SIAE: variants seen among roughly 807,000 people sequenced by gnomAD.
SIAE encodes sialate O-acetylesterase.
A neutral mutation model predicts 52.6 loss-of-function variants in SIAE; 39 were observed. The observed-to-expected ratio is 0.74, with a 90% CI of 0.57 to 0.97. The LOEUF is 0.97. Ranked by LOEUF, SIAE falls within the 50% of genes least tolerant of loss-of-function variation. The pLI, the probability that SIAE is intolerant of heterozygous loss-of-function variation, is 0.00. For missense variants in SIAE, 592 were observed against 662.1 expected, an observed-to-expected ratio of 0.89 and a Z score of 1.16; for synonymous variants, 233 against 241.4, an observed-to-expected ratio of 0.97 and a Z score of 0.32.
At chr11:124,637,697 CTAAAG>C (rs1211480233) in intron 9 of SIAE, among the ~76,000 whole-genome samples, 1 of 152,184 alleles carries the variant, frequency 6.6e-6, no homozygotes, top group Non-Finnish European at 1.5e-5. Flanking sequence ...TGGCAACTGA[CTAAAG>C]AGAAGAGCTC....
At chr11:124,640,582 T>C (rs1050297845) in intron 7 of SIAE, among the ~76,000 whole-genome samples, 7 of 152,190 alleles carry the variant, frequency 4.6e-5, no homozygotes, top group Admixed American at 2.6e-4. Flanking sequence ...GGCTAGGCAC[T>C]GTAGGCAAGC....
intron 2 of SIAE, among the ~76,000 whole-genome samples, chr11:124,666,812 T>G (rs962191621): frequency 6.6e-6 from 1 of 152,198 alleles, no homozygotes; most frequent in Non-Finnish European, 1.5e-5. Context: ...GTTTTAGACA[T>G]AGTAAGCCCT....
chr11:124,655,329 C>G, intron 3 of SIAE, among the ~76,000 whole-genome samples: 1 of 152,134 alleles, frequency 6.6e-6, no homozygotes, highest in Non-Finnish European at 1.5e-5. Flanking sequence ...GCGCCCACCA[C>G]CATGCCCAGC....
At chr11:124,654,584 T>A (rs1943067475) in intron 4 of SIAE, 71 bp downstream of exon 4, 6 of 1,612,912 alleles carry the variant, frequency 3.7e-6, no homozygotes, top group Non-Finnish European at 5.1e-6. Flanking sequence ...AGAACCAAAT[T>A]CAGTCTTACA....
At position 124,649,675 on chromosome 11, in the gene SIAE, G is replaced by A; in HGVS notation, c.666C>T (p.Pro222=). Residue 222 remains proline, a synonymous_variant, in exon 5 of 10, where the codon CCC becomes CCT. Transcript: ENST00000263593. ...GLIASSWGGT[P]IEAWSSGRSL... is the part of the protein sequence containing the mutation. ...ACCGTCCAGATGACCAGGCTTCAAT[G>A]GGTGTCCCGCCCCAGCTGGAGGCGA... is the stretch of plus-strand genomic sequence containing the variant. 6.2e-7 allele frequency: 1 copy of A among 1,614,182 alleles called. No homozygotes were observed.
At chr11:124,674,519 A>G (rs917524038), upstream of SIAE, 1 of 152,292 alleles carries the variant, frequency 6.6e-6, no homozygotes, top group African/African-American at 2.4e-5. Flanking sequence ...TTTCATACTC[A>G]GTAGTAGCTC....
chr11:124,660,835 T>C, intron 2 of SIAE, 32 bp from the exon 3 acceptor site: 1 of 1,610,970 alleles, frequency 6.2e-7, no homozygotes, highest in Non-Finnish European at 8.5e-7. Context: ...AAGGAATTAA[T>C]CAATCAATTA....
chr11:124,647,458 G>A lies in SIAE; in HGVS notation c.873C>T (p.Cys291=), dbSNP rs1053493893. 1.6e-5 allele frequency: 26 copies of A among 1,614,076 alleles called. No homozygotes were observed. The highest frequency in any genetic ancestry group is 2.0e-5 in the Non-Finnish European group (24 of 1,180,036). The change falls in exon 7 of 10, where the codon TGC becomes TGT. Residue 291 remains cysteine (C), a synonymous_variant. Transcript: ENST00000263593. ...NINYNTDLYN[C]TFPALIEDWR... ...AGTCTTCGATGAGTGCAGGGAATGT[G>A]CAATTGTACAGATCCGTGTTATAAT...
At chr11:124,639,922 T>A (rs1942817565) in intron 7 of SIAE, 55 bp from the exon 8 acceptor site, 2 of 1,592,158 alleles carry the variant, frequency 1.3e-6, no homozygotes, top group South Asian at 2.2e-5. Context: ...CACTGGAGTC[T>A]TTTTCACTGG....
chr11:124,672,055 C>T (rs2134396892), intron 1 of SIAE, among the ~76,000 whole-genome samples: 1 of 151,678 alleles, frequency 6.6e-6, no homozygotes, highest in African/African-American at 2.4e-5. Context: ...GGATTACAAG[C>T]ATGAGCCACC....
intron 3 of SIAE, 34 bp downstream of exon 3, chr11:124,660,594 C>T: frequency 2.5e-6 from 4 of 1,610,070 alleles, no homozygotes; most frequent in Non-Finnish European, 3.4e-6. Flanking sequence ...TCATCACCAA[C>T]ACTGTGTATT....
intron 3 of SIAE, among the ~76,000 whole-genome samples, chr11:124,656,842 C>T (rs991801296): frequency 6.6e-6 from 1 of 152,162 alleles, no homozygotes; most frequent in East Asian, 1.9e-4. Flanking sequence ...CCAGCTGAGT[C>T]GGGGCTGCCA....
Position 124,634,809 on chromosome 11 carries a change from A to G in SIAE, c.*2142T>C, listed in dbSNP as rs1364444118. On this transcript the variant is annotated 3_prime_UTR_variant, in exon 10 of 10. Coordinates refer to ENST00000263593, the MANE Select transcript of SIAE (RefSeq NM_170601.5). ...GATTACAAAATAATATGTACTGTAT[A>G]AAATTATATAACTCAAGTCAAGTGA... 6.6e-6 allele frequency: 1 copy of G among 152,220 alleles called. No homozygotes were observed. The highest frequency in any genetic ancestry group is 1.5e-5 in the Non-Finnish European group (1 of 68,042). The allele number at this position is 152,220 out of a possible 1,614,324, so 9.4% of individuals were successfully genotyped here.
In SIAE at chr11:124,648,776, T is replaced by TATCC. The variant is rs1942977018; in HGVS notation, c.723-605_723-602dup. 2.6e-5 allele frequency among the ~76,000 whole-genome samples: 4 copies of TATCC among 152,142 alleles called. No homozygotes were observed. In the South Asian group the frequency reaches 6.2e-4, roughly 24 times the overall value. On this transcript the variant is annotated intron_variant, in intron 5 of 9. Coordinates refer to ENST00000263593, the MANE Select transcript of SIAE (RefSeq NM_170601.5). ...GCCCACTTGCCCACACCCTCGGGAT[T>TATCC]ATCCCTTCCACCCCCAGAGATCTGG...
chr11:124,667,859 GA>G (rs1026787080), intron 2 of SIAE, among the ~76,000 whole-genome samples: 9 of 151,986 alleles, frequency 5.9e-5, no homozygotes, highest in African/African-American at 2.2e-4. Context: ...CCCTGCTCAT[GA>G]AAACTGCTAA....
chr11:124,640,544 A>G (rs374261925), intron 7 of SIAE, among the ~76,000 whole-genome samples: 1 of 152,214 alleles, frequency 6.6e-6, no homozygotes, highest in Non-Finnish European at 1.5e-5. Context: ...AAAGCAATAG[A>G]TAACTGATAC....
chr11:124,655,269 A>G (rs1382417520), intron 3 of SIAE, among the ~76,000 whole-genome samples: 2 of 147,796 alleles, frequency 1.4e-5, no homozygotes, highest in Non-Finnish European at 3.0e-5. Flanking sequence ...TCCGCCTCCC[A>G]GGTTCACACC....
intron 7 of SIAE, among the ~76,000 whole-genome samples, chr11:124,644,165 T>C (rs1456824614): frequency 6.6e-6 from 1 of 151,968 alleles, no homozygotes; most frequent in Non-Finnish European, 1.5e-5. Context: ...AGCTTTAACA[T>C]AGGAAATGAT....
At chr11:124,668,448 C>T (rs544545089) in intron 2 of SIAE, among the ~76,000 whole-genome samples, 18 of 152,322 alleles carry the variant, frequency 1.2e-4, no homozygotes, top group South Asian at 6.2e-4. Flanking sequence ...ATCACCAGTA[C>T]CTAGCACAGT....
Sources: allele counts gnomAD v4.1 joint callset (sites outside exome capture counted in the v4.1 genomes callset), GRCh38; gene constraint gnomAD v4.1.1; transcripts MANE v1.5; gene names NCBI Gene and HGNC (gene_info 2026-07-23, HGNC 2026-07-21).